The following RNF180 variants were observed in gnomAD, a reference collection of about 807,000 sequenced individuals.
RNF180 encodes E3 ubiquitin-protein ligase RNF180.
RNF180 carries 38 observed loss-of-function variants against 59.2 expected under a neutral mutation model. The ratio of observed to expected loss-of-function variants is 0.64; its 90% CI spans 0.50 to 0.84. RNF180 has a LOEUF of 0.84. Ranked by LOEUF, RNF180 falls within the 40% of genes least tolerant of loss-of-function variation. The pLI, the probability that RNF180 is intolerant of heterozygous loss-of-function variation, is 0.00. For synonymous variants in RNF180, 262 were observed against 240.3 expected (o/e 1.09, Z -0.84); for missense variants, 705 against 700.9 (o/e 1.01, Z -0.07).
chr5:64,360,263 CGCAAA>C (rs1554046563), intron 7 of RNF180, among the ~76,000 whole-genome samples: 2 of 150,022 alleles, frequency 1.3e-5, no homozygotes, highest in Non-Finnish European at 3.0e-5. Flanking sequence ...CTTCAATATA[CGCAAA>C]TCAATAAATG....
intron 7 of RNF180, among the ~76,000 whole-genome samples, chr5:64,334,104 A>T (rs375881940): frequency 6.6e-6 from 1 of 152,162 alleles, no homozygotes; most frequent in African/African-American, 2.4e-5. Context: ...GAATGTCCCA[A>T]ACAAAAGGCT....
rs1752503675 is a variant in RNF180, at chr5:64,214,396, TC to T, written c.1072del (p.Leu358CysfsTer23). ...GAAGAGCACCTCTCCCCTCTGGACT[TC>T]CTGCACTCAGCCAATTTTTCATTGG... Reference protein sequence around the residue: ...DQEEHLSPLDFLHSANFSLGS... With the variant: ...DQEEHLSPLDXLHSANFSLGS... On this transcript the variant is annotated frameshift_variant, in exon 4 of 8. Transcript: ENST00000389100. LOFTEE classifies it high-confidence loss of function. 46 of 1,613,932 alleles carry T rather than the reference TC, an allele frequency of 2.9e-5. No homozygotes were observed. The highest frequency in any genetic ancestry group is 3.8e-5 in the Non-Finnish European group (45 of 1,180,010).
At chr5:64,362,634 T>C (rs1246536198) in intron 7 of RNF180, among the ~76,000 whole-genome samples, 1 of 151,886 alleles carries the variant, frequency 6.6e-6, no homozygotes, top group Non-Finnish European at 1.5e-5. Flanking sequence ...CGAATGGTAG[T>C]TCTGTTTTTA....
Position 64,369,822 on chromosome 5 carries a change from A to C in RNF180, c.*8A>C. On this transcript the variant is annotated 3_prime_UTR_variant, in exon 8 of 8. Coordinates refer to ENST00000389100, the MANE Select transcript of RNF180 (RefSeq NM_001113561.2). Reference sequence around the variant, plus strand: ...TTTTTCTTTCCGTTTTAGGAATTTCATACCTTACTACAATTGACCAATCAT... The same window carrying C: ...TTTTTCTTTCCGTTTTAGGAATTTCCTACCTTACTACAATTGACCAATCAT... 1 of 1,422,964 alleles carries C rather than the reference A, an allele frequency of 7.0e-7. No homozygotes were observed. 88.1% of individuals were successfully genotyped at this position (1,422,964 alleles called of 1,614,324 possible). A position where few individuals can be genotyped will look rare whatever the true frequency, so the allele number is the denominator to read the frequency against.
At chr5:64,287,976 C>T (rs1371006900) in intron 5 of RNF180, among the ~76,000 whole-genome samples, 1 of 152,082 alleles carries the variant, frequency 6.6e-6, no homozygotes, top group African/African-American at 2.4e-5. Context: ...AATCTTTACC[C>T]GTGCCTATGT....
chr5:64,328,568 T>TA (rs1361074960), intron 6 of RNF180, among the ~76,000 whole-genome samples: 1 of 152,218 alleles, frequency 6.6e-6, no homozygotes, highest in African/African-American at 2.4e-5. Context: ...AGCATGAAAA[T>TA]ACCTTTTCTC....
intron 7 of RNF180, 116 bp from the exon 8 acceptor site, chr5:64,369,499 C>A: frequency 3.6e-6 from 2 of 556,074 alleles, no homozygotes; most frequent in Non-Finnish European, 6.0e-6. Context: ...AGGAATACAA[C>A]ATAACTCCGC....
intron 5 of RNF180, among the ~76,000 whole-genome samples, chr5:64,324,118 A>G (rs538457014): frequency 4.1e-4 from 62 of 152,372 alleles, no homozygotes; most frequent in Middle Eastern, 3.4e-3. Flanking sequence ...TCTGATCACA[A>G]AAGCATCACC....
intron 5 of RNF180, among the ~76,000 whole-genome samples, chr5:64,290,839 CTG>C (rs1198238797): frequency 1.3e-5 from 2 of 152,110 alleles, no homozygotes; most frequent in African/African-American, 2.4e-5. Context: ...GCTTGCCATT[CTG>C]TGTCTTTTAA....
chr5:64,269,328 C>G (rs1373836446), intron 5 of RNF180, among the ~76,000 whole-genome samples: 1 of 152,090 alleles, frequency 6.6e-6, no homozygotes, highest in Non-Finnish European at 1.5e-5. Context: ...GCCTCGAACT[C>G]CTGGGCCCAC....
At chr5:64,204,354 C>T (rs1751909350) in intron 2 of RNF180, among the ~76,000 whole-genome samples, 2 of 152,174 alleles carry the variant, frequency 1.3e-5, no homozygotes, top group Non-Finnish European at 2.9e-5. Flanking sequence ...GTTCCAGCAT[C>T]ATAGGGTATG....
chr5:64,173,746 C>T (rs1393601379), intron 1 of RNF180, among the ~76,000 whole-genome samples: 1 of 145,972 alleles, frequency 6.9e-6, no homozygotes, highest in African/African-American at 2.5e-5. Flanking sequence ...GATGGAGTCT[C>T]ATTCTGTCAC....
rs982091996 is a variant in RNF180 at position 64,372,063 on chromosome 5, G to A, written c.*2249G>A. On this transcript the variant is annotated 3_prime_UTR_variant, in exon 8 of 8. Coordinates refer to ENST00000389100, the MANE Select transcript of RNF180 (RefSeq NM_001113561.2). Reference sequence around the variant, plus strand: ...AAAATGTTAAAGTTAATGAAGCATAGTACTTGTCCCAAGTAATATTATTTA... The same window carrying A: ...AAAATGTTAAAGTTAATGAAGCATAATACTTGTCCCAAGTAATATTATTTA... 6.6e-6 allele frequency: 1 copy of A among 151,696 alleles called. No individual in the cohort carries two copies. The highest frequency in any genetic ancestry group is 6.6e-5 in the Admixed American group (1 of 15,174). The allele number at this position is 151,696 out of a possible 1,614,324, so 9.4% of individuals were successfully genotyped here.
In RNF180 at chr5:64,213,726, TC is replaced by T; in HGVS notation, c.401del (p.Ser134Ter). 9 of 1,614,122 alleles carry T rather than the reference TC, an allele frequency of 5.6e-6. No homozygotes were observed. Among genetic ancestry groups the T allele is most frequent in the Non-Finnish European group, 7.6e-6 (9 of 1,179,998 alleles). The stretch of plus-strand genomic sequence containing the variant: ...ACAGGCAGGCAGACTAATGAGACCA[TC>T]AGTGAAATACTTGTCACATCCTAGA... ...PTQAGRLMRP[S>X]VKYLSHPRVQ... On this transcript the variant is annotated frameshift_variant, in exon 4 of 8. Coordinates refer to ENST00000389100, the MANE Select transcript of RNF180 (RefSeq NM_001113561.2). LOFTEE classifies it high-confidence loss of function.
At chr5:64,351,355 A>G (rs1389484254) in intron 7 of RNF180, among the ~76,000 whole-genome samples, 1 of 152,098 alleles carries the variant, frequency 6.6e-6, no homozygotes, top group East Asian at 1.9e-4. Context: ...GCAAACAGGG[A>G]CAATTTGACT....
At chr5:64,224,811 A>G (rs1275855172) in intron 5 of RNF180, among the ~76,000 whole-genome samples, 3 of 152,182 alleles carry the variant, frequency 2.0e-5, no homozygotes, top group African/African-American at 7.2e-5. Context: ...TTAAAGGATA[A>G]TTAGGCCTGA....
intron 7 of RNF180, among the ~76,000 whole-genome samples, chr5:64,366,101 A>T (rs552557972): frequency 1.3e-5 from 2 of 151,622 alleles, no homozygotes; most frequent in African/African-American, 4.8e-5. Flanking sequence ...GCAGTGGGTG[A>T]TAACAGTCTT....
chr5:64,283,924 A>C (rs1256374169), intron 5 of RNF180, among the ~76,000 whole-genome samples: 1 of 152,296 alleles, frequency 6.6e-6, no homozygotes, highest in East Asian at 1.9e-4. Context: ...TTATTATGCA[A>C]GCTTGATTCT....
chr5:64,317,579 C>T (rs868284265), intron 5 of RNF180, among the ~76,000 whole-genome samples: 16 of 90,792 alleles, frequency 1.8e-4, no homozygotes, highest in Admixed American at 3.2e-4. Context: ...TATATATACA[C>T]ATATATATAC....
Sources: allele counts gnomAD v4.1 joint callset (sites outside exome capture counted in the v4.1 genomes callset), GRCh38; gene constraint gnomAD v4.1.1; transcripts MANE v1.5; gene names NCBI Gene and HGNC (gene_info 2026-07-23, HGNC 2026-07-21).